Variants in IL3RA observed in about 807,000 individuals in gnomAD.
IL3RA encodes interleukin 3 receptor subunit alpha.
A neutral mutation model predicts 52.3 loss-of-function variants in IL3RA; 73 were observed. That is an observed-to-expected ratio of 1.40 (90% CI 1.16 to 1.70). IL3RA has a LOEUF of 1.70. IL3RA is among the 40% of genes most tolerant of loss of function. The pLI, the probability that IL3RA is intolerant of heterozygous loss-of-function variation, is 0.00. For synonymous variants in IL3RA, 260 were observed against 194.0 expected (o/e 1.34, Z -2.83); for missense variants, 664 against 504.4 (o/e 1.32, Z -3.03).
Position 1,360,201 on chromosome X carries a change from T to C in IL3RA, c.759+1314T>C, listed in dbSNP as rs370651889. 1.1e-3 allele frequency among the ~76,000 whole-genome samples: 139 copies of C among 125,816 alleles called. 1 individual carries two copies. The highest frequency in any genetic ancestry group is 3.7e-3 in the African/African-American group (129 of 35,136). The allele number at this position is 125,816 out of a possible 152,430, so 82.5% of individuals were successfully genotyped here. A position where few individuals can be genotyped will look rare whatever the true frequency, so the allele number is the denominator to read the frequency against. On this transcript the variant is annotated intron_variant, in intron 8 of 11. Transcript: ENST00000331035. Reference sequence around the variant, plus strand: ...TTTCTCTCTCTCTCCCGGTCTCTATTTCCTCCCTCCCCATCTCTTTCTCTG... The same window carrying C: ...TTTCTCTCTCTCTCCCGGTCTCTATCTCCTCCCTCCCCATCTCTTTCTCTG...
At chrX:1,354,451 G>A (rs1378358890) in intron 6 of IL3RA, among the ~76,000 whole-genome samples, 2 of 150,264 alleles carry the variant, frequency 1.3e-5, no homozygotes, top group Admixed American at 6.7e-5. Context: ...AGGAGGAGAA[G>A]GACAAGGAGA....
In IL3RA at chrX:1,356,311, T is replaced by G; in HGVS notation, c.707T>G (p.Phe236Cys). 6.2e-7 allele frequency: 1 copy of G among 1,612,724 alleles called. No individual in the cohort carries two copies. Among genetic ancestry groups the G allele is most frequent in the Non-Finnish European group, 8.5e-7 (1 of 1,178,944 alleles). The change falls in exon 7 of 12, where the codon TTT (phenylalanine) becomes TGT (cysteine). Residue 236 changes from phenylalanine to cysteine, a missense_variant. By Grantham distance (205) the Phe-to-Cys change is radical. Transcript: ENST00000331035. ...ATGAGAAGTCATTTCAATCGCAAAT[T>G]TCGCTATGAGCTTCAGATACAAAAG... ...WKMRSHFNRK[F>C]RYELQIQKRM... is the part of the protein sequence containing the mutation.
chrX:1,348,688 T>TTCTC, intron 4 of IL3RA, 143 bp downstream of exon 4: 1 of 397,432 alleles, frequency 2.5e-6, no homozygotes, highest in Non-Finnish European at 4.3e-6. Context: ...CTTTCTTTCT[T>TTCTC]TCTTTTTCTT....
Position 1,341,815 on chromosome X carries a change from T to C in IL3RA, c.50T>C (p.Leu17Pro). Reference sequence around the variant, plus strand: ...CTCCTGATCGCCCTGCCCTGTCTCCTGCAAACGAAGGAAGGTAAGAACTGG... The same window carrying C: ...CTCCTGATCGCCCTGCCCTGTCTCCCGCAAACGAAGGAAGGTAAGAACTGG... ...TLLLIALPCL[L>P]QTKEDPNPPI... Residue 17 changes from leucine (L) to proline (P), a missense_variant, in exon 2 of 12, where the codon CTG (leucine) becomes CCG (proline). Leu to Pro is a moderately conservative substitution (Grantham distance 98). Transcript: ENST00000331035. 1 of 1,613,894 alleles carries C rather than the reference T, an allele frequency of 6.2e-7. No individual in the cohort carries two copies. Among genetic ancestry groups the C allele is most frequent in the Non-Finnish European group, 8.5e-7 (1 of 1,179,838 alleles).
At position 1,378,650 on chromosome X, in the gene IL3RA, T is replaced by C; in HGVS notation, c.875-9T>C. The C allele has an allele frequency of 6.2e-7, 1 of 1,611,084 alleles. No individual in the cohort carries two copies. ...CCCGGTCTGTGACCCTCTCACCCTT[T>C]ACCCCTAGAGTGCGACCAGGAGGAG... is the stretch of plus-strand genomic sequence containing the variant. On this transcript the variant is annotated splice_polypyrimidine_tract_variant and intron_variant, in intron 9 of 11. Transcript: ENST00000331035.
chrX:1,340,280 T>C (rs2085443039), intron 1 of IL3RA, among the ~76,000 whole-genome samples: 1 of 152,048 alleles, frequency 6.6e-6, no homozygotes, highest in South Asian at 2.1e-4. Flanking sequence ...CACGCCTGGC[T>C]AATTTTTGTA....
chrX:1,358,119 AAAAG>A (rs2086880776), intron 7 of IL3RA, among the ~76,000 whole-genome samples: 1 of 151,940 alleles, frequency 6.6e-6, no homozygotes, highest in African/African-American at 2.4e-5. Flanking sequence ...GAAAAAAAAA[AAAAG>A]AAAATAAATA....
chrX:1,347,617 C>G (rs1267577071), intron 3 of IL3RA, among the ~76,000 whole-genome samples: 3 of 150,868 alleles, frequency 2.0e-5, no homozygotes, highest in Non-Finnish European at 4.4e-5. Flanking sequence ...GAGGCCCTGT[C>G]TTAACAAAAA....
At chrX:1,355,641 C>A (rs1407258370) in intron 6 of IL3RA, among the ~76,000 whole-genome samples, 10 of 146,902 alleles carry the variant, frequency 6.8e-5, no homozygotes, top group African/African-American at 2.5e-4. Flanking sequence ...AGAGGCGGCA[C>A]ATCCCCTGGG....
At chrX:1,339,872 T>G (rs1312633656) in intron 1 of IL3RA, among the ~76,000 whole-genome samples, 1 of 152,086 alleles carries the variant, frequency 6.6e-6, no homozygotes, top group Admixed American at 6.6e-5. Context: ...GAGCCAGCCT[T>G]TCTGGGATGC....
chrX:1,355,763 G>A (rs2086660255), intron 6 of IL3RA, among the ~76,000 whole-genome samples: 1 of 151,910 alleles, frequency 6.6e-6, no homozygotes, highest in Non-Finnish European at 1.5e-5. Context: ...TGCAGAGAGG[G>A]CCTCCAAGGC....
intron 4 of IL3RA, 121 bp downstream of exon 4, chrX:1,348,666 C>CTTTCTTTCT (rs1376045887): frequency 6.6e-6 from 3 of 451,406 alleles, no homozygotes; most frequent in East Asian, 6.7e-5. Flanking sequence ...TTCTTTCTTT[C>CTTTCTTTCT]TTTCTTTCTT....
intron 9 of IL3RA, among the ~76,000 whole-genome samples, chrX:1,368,030 C>A (rs1446354950): frequency 6.6e-6 from 1 of 152,004 alleles, no homozygotes; most frequent in Admixed American, 6.6e-5. Context: ...AAGACCGAGG[C>A]GGGCGGATCA....
At chrX:1,373,860 TC>T (rs1289580753) in intron 9 of IL3RA, among the ~76,000 whole-genome samples, 1 of 72,432 alleles carries the variant, frequency 1.4e-5, no homozygotes, top group Non-Finnish European at 2.3e-5. Flanking sequence ...AGACGGCATC[TC>T]CAAGCCCAGG....
At chrX:1,344,717 G>C (rs1235884805) in intron 2 of IL3RA, among the ~76,000 whole-genome samples, 1 of 151,416 alleles carries the variant, frequency 6.6e-6, no homozygotes, top group African/African-American at 2.4e-5. Context: ...AGGTTGCGGT[G>C]AGCTGAGATC....
At chrX:1,381,244 C>T (rs17880640) in intron 11 of IL3RA, 140 bp downstream of exon 11, 130,185 of 756,190 alleles carry the variant, frequency 0.17, 12,164 homozygotes, top group Middle Eastern at 0.32. Flanking sequence ...ACTAAAAATA[C>T]AAAATTAGCC....
intron 8 of IL3RA, 82 bp from the exon 9 acceptor site, chrX:1,365,056 G>C: frequency 1.1e-6 from 1 of 942,252 alleles, no homozygotes; most frequent in Non-Finnish European, 1.7e-6. Flanking sequence ...TGATCCACCT[G>C]CCTTGGCCTC....
At chrX:1,346,555 C>T (rs1245157440) in intron 3 of IL3RA, among the ~76,000 whole-genome samples, 9 of 151,858 alleles carry the variant, frequency 5.9e-5, no homozygotes, top group African/African-American at 9.7e-5. Context: ...TGCACTGAGC[C>T]GAGATTGTGC....
chrX:1,378,046 C>A lies in IL3RA; in HGVS notation c.875-613C>A, dbSNP rs111361109. ...ATGAGAAATACAAAAATTACCCGGGCGTGGTGGCGGGCGCCTGTAGTCCCA... is the reference window on the plus strand; with the variant it reads ...ATGAGAAATACAAAAATTACCCGGGAGTGGTGGCGGGCGCCTGTAGTCCCA... On this transcript the variant is annotated intron_variant, in intron 9 of 11. Coordinates refer to ENST00000331035, the MANE Select transcript of IL3RA (RefSeq NM_002183.4). Among the ~76,000 whole-genome samples the A allele has an allele frequency of 2.9e-3, 441 of 150,702 alleles. 2 individuals are homozygous for A. The highest frequency in any genetic ancestry group is 0.01 in the African/African-American group (424 of 41,162).
Sources: gnomAD v4.1 joint callset for allele counts (sites outside exome capture counted in the v4.1 genomes callset) on GRCh38, gnomAD v4.1.1 for gene constraint, MANE v1.5 for transcripts, NCBI Gene and HGNC (gene_info 2026-07-23, HGNC 2026-07-21) for gene names.